SCAPER: variants seen among roughly 807,000 people sequenced by gnomAD.
SCAPER encodes the protein S phase cyclin A-associated protein in the endoplasmic reticulum.
Under a neutral mutation model 182.2 loss-of-function variants are expected in SCAPER, and 98 were observed. The observed-to-expected ratio is 0.54, with a 90% confidence interval of 0.46 to 0.64. The LOEUF (loss-of-function observed/expected upper bound fraction) is 0.64, where lower values mean the gene tolerates loss of function less well. SCAPER is among the 30% of genes least tolerant of loss of function. The pLI is 0.00. For synonymous variants in SCAPER, 605 were observed against 564.6 expected (o/e 1.07, Z -1.01); for missense variants, 1,432 against 1,690.0 (o/e 0.85, Z 2.68).
intron 25 of SCAPER, among the ~76,000 whole-genome samples, chr15:76,462,254 C>G (rs751071687): frequency 1.3e-5 from 2 of 152,194 alleles, no homozygotes; most frequent in South Asian, 2.1e-4. Flanking sequence ...CTATTCCCAT[C>G]AGGATCTGCT....
intron 25 of SCAPER, among the ~76,000 whole-genome samples, chr15:76,462,046 T>C (rs1455676048): frequency 1.3e-5 from 2 of 152,158 alleles, no homozygotes; most frequent in African/African-American, 4.8e-5. Context: ...TTGTAGCTTT[T>C]CTCCTCCTGA....
At chr15:76,845,636 A>G (rs2069990584) in intron 4 of SCAPER, among the ~76,000 whole-genome samples, 1 of 152,122 alleles carries the variant, frequency 6.6e-6, no homozygotes, top group African/African-American at 2.4e-5. Flanking sequence ...AATACCTAGG[A>G]ATTAACCAAA....
At chr15:76,419,311 A>G (rs542410791) in intron 26 of SCAPER, among the ~76,000 whole-genome samples, 1 of 151,380 alleles carries the variant, frequency 6.6e-6, no homozygotes, top group East Asian at 1.9e-4. Flanking sequence ...CCTGGGCAAC[A>G]AGAGTGAAAC....
intron 22 of SCAPER, among the ~76,000 whole-genome samples, chr15:76,608,126 T>C (rs2050622928): frequency 6.6e-6 from 1 of 152,204 alleles, no homozygotes; most frequent in African/African-American, 2.4e-5. Flanking sequence ...TTCTGCTGTT[T>C]TTTTTCCCCA....
intron 23 of SCAPER, among the ~76,000 whole-genome samples, chr15:76,557,990 A>T (rs894674218): frequency 2.0e-5 from 3 of 152,210 alleles, no homozygotes; most frequent in African/African-American, 7.2e-5. Context: ...CCATATAAAA[A>T]AATCAATTCA....
chr15:76,782,378 A>G (rs1282182363), intron 8 of SCAPER, among the ~76,000 whole-genome samples: 1 of 152,204 alleles, frequency 6.6e-6, no homozygotes, highest in African/African-American at 2.4e-5. Context: ...CAGATTCATA[A>G]AGCAAGTCTT....
intron 14 of SCAPER, among the ~76,000 whole-genome samples, chr15:76,763,799 T>G (rs1475857287): frequency 6.6e-6 from 1 of 152,238 alleles, no homozygotes; most frequent in African/African-American, 2.4e-5. Context: ...CTCTAGAATT[T>G]GTTTGGTTCT....
chr15:76,822,900 T>G (rs1372464041), intron 5 of SCAPER, among the ~76,000 whole-genome samples: 2 of 152,222 alleles, frequency 1.3e-5, no homozygotes, highest in Non-Finnish European at 2.9e-5. Flanking sequence ...GTCATTTAAT[T>G]GCATTTAAAA....
chr15:76,493,072 C>G (rs1050617801), intron 24 of SCAPER, among the ~76,000 whole-genome samples: 1 of 151,992 alleles, frequency 6.6e-6, no homozygotes, highest in Non-Finnish European at 1.5e-5. Context: ...GGAGAACCAC[C>G]ATGCTGCAAT....
rs181794371 is a variant in SCAPER at position 76,441,323 on chromosome 15, T to G, written c.3079-7013A>C. 3.5e-4 allele frequency among the ~76,000 whole-genome samples: 53 copies of G among 152,304 alleles called. 1 individual carries two copies. The East Asian group carries it at 6.2e-3, about 18-fold the overall frequency. On this transcript the variant is annotated intron_variant, in intron 25 of 31. Transcript: ENST00000563290. ...TACCCTTTCTAACATATTTATGCCTTTGAGCCTATATTTATGCAGCCAAAA... is the reference window on the plus strand; with the variant it reads ...TACCCTTTCTAACATATTTATGCCTGTGAGCCTATATTTATGCAGCCAAAA...
At chr15:76,383,849 A>G (rs897244806) in intron 27 of SCAPER, among the ~76,000 whole-genome samples, 66 of 152,282 alleles carry the variant, frequency 4.3e-4, no homozygotes, top group African/African-American at 1.6e-3. Flanking sequence ...TGATTAAGTA[A>G]ATACTGTTAA....
At chr15:76,613,714 T>C (rs1209378160) in intron 22 of SCAPER, among the ~76,000 whole-genome samples, 1 of 152,206 alleles carries the variant, frequency 6.6e-6, no homozygotes. Flanking sequence ...TGAGATATCA[T>C]GTCATACCAG....
intron 23 of SCAPER, among the ~76,000 whole-genome samples, chr15:76,537,236 C>T (rs1332835871): frequency 2.0e-5 from 3 of 150,298 alleles, no homozygotes; most frequent in Admixed American, 1.3e-4. Flanking sequence ...TCATATGGAA[C>T]CAAAAAAGAG....
chr15:76,671,388 C>T (rs1325434925), intron 20 of SCAPER, among the ~76,000 whole-genome samples: 1 of 152,050 alleles, frequency 6.6e-6, no homozygotes, highest in African/African-American at 2.4e-5. Flanking sequence ...TCTGAATCTC[C>T]ATATACAAAC....
intron 22 of SCAPER, among the ~76,000 whole-genome samples, chr15:76,610,330 C>G (rs1470561561): frequency 6.6e-6 from 1 of 152,184 alleles, no homozygotes; most frequent in Admixed American, 6.5e-5. Context: ...AGTCCACAAT[C>G]AACCCCAGAC....
At chr15:76,695,566 C>T (rs1399173172) in intron 20 of SCAPER, among the ~76,000 whole-genome samples, 3 of 147,830 alleles carry the variant, frequency 2.0e-5, no homozygotes, top group Non-Finnish European at 3.0e-5. Context: ...CAATGCACTC[C>T]AGCCTGGATG....
intron 23 of SCAPER, among the ~76,000 whole-genome samples, chr15:76,554,378 G>A (rs1038187237): frequency 6.6e-6 from 1 of 152,308 alleles, no homozygotes; most frequent in African/African-American, 2.4e-5. Context: ...GAAAGAGAGG[G>A]AGAGAAAGCA....
At chr15:76,528,494 G>A (rs535285845) in intron 23 of SCAPER, among the ~76,000 whole-genome samples, 1 of 152,140 alleles carries the variant, frequency 6.6e-6, no homozygotes, top group Non-Finnish European at 1.5e-5. Context: ...ACCTGATCCT[G>A]AATGGCACCA....
chr15:76,553,083 C>T (rs973704201), intron 23 of SCAPER, among the ~76,000 whole-genome samples: 1 of 152,202 alleles, frequency 6.6e-6, no homozygotes, highest in Non-Finnish European at 1.5e-5. Context: ...TGCACTTGCC[C>T]ACAGCACCCC....
Sources: allele counts gnomAD v4.1 joint callset (sites outside exome capture counted in the v4.1 genomes callset), GRCh38; gene constraint gnomAD v4.1.1; transcripts MANE v1.5; gene names NCBI Gene and HGNC (gene_info 2026-07-23, HGNC 2026-07-21).